The following PPM1B variants were observed in gnomAD, a reference collection of about 807,000 sequenced individuals.
PPM1B encodes the protein protein phosphatase 1B.
In PPM1B, 22 loss-of-function variants were observed where a neutral mutation model predicts 43.0. The observed-to-expected ratio is 0.51, with a 90% CI of 0.37 to 0.73. PPM1B has a LOEUF of 0.73. Among genes scored for constraint, PPM1B ranks in the 30% least tolerant of loss-of-function variants. The probability of loss-of-function intolerance (pLI) is 0.00; values close to 1 mark genes in which losing one functional copy is unlikely to be tolerated. For synonymous variants in PPM1B, 217 were observed against 197.9 expected, an observed-to-expected ratio of 1.10 and a Z score of -0.81; for missense variants, 632 against 584.2, an observed-to-expected ratio of 1.08 and a Z score of -0.84.
chr2:44,176,847 TCTCGG>T (rs1159116477), intron 1 of PPM1B, among the ~76,000 whole-genome samples: 1 of 152,230 alleles, frequency 6.6e-6, no homozygotes, highest in East Asian at 1.9e-4. Flanking sequence ...AGTGGTGCAA[TCTCGG>T]CTCATTGCAG....
chr2:44,231,590 AC>A (rs1361135544), downstream of PPM1B: 2 of 444,898 alleles, frequency 4.5e-6, no homozygotes, highest in African/African-American at 4.3e-5. Flanking sequence ...CTTTTGGCTT[AC>A]CTTTTTTCAT....
chr2:44,218,591 TA>T, intron 5 of PPM1B, 54 bp downstream of exon 5: 1 of 1,168,240 alleles, frequency 8.6e-7, no homozygotes, highest in South Asian at 1.4e-5. Context: ...ATATAAATAC[TA>T]AATATGAATA....
chr2:44,186,246 C>T (rs1408811621), intron 1 of PPM1B, among the ~76,000 whole-genome samples: 1 of 152,198 alleles, frequency 6.6e-6, no homozygotes, highest in Non-Finnish European at 1.5e-5. Flanking sequence ...TGTCTAGGAA[C>T]AGGCTGGAAG....
chr2:44,205,428 A>G (rs1669145468), intron 2 of PPM1B, among the ~76,000 whole-genome samples: 1 of 148,444 alleles, frequency 6.7e-6, no homozygotes, highest in Non-Finnish European at 1.5e-5. Context: ...TTTTTCCCCA[A>G]GGGAAACATT....
intron 1 of PPM1B, among the ~76,000 whole-genome samples, chr2:44,170,343 CAAAAT>C (rs1430544012): frequency 2.0e-5 from 3 of 152,160 alleles, no homozygotes; most frequent in Non-Finnish European, 4.4e-5. Flanking sequence ...TTTAATGTAT[CAAAAT>C]AAAGTTGGCA....
rs1211907361 is a variant in PPM1B, at chr2:44,209,212, A to G, written c.849A>G (p.Gly283=). The change falls in exon 3 of 6, where the codon GGA becomes GGG. Residue 283 remains glycine (G), a splice_region_variant and synonymous_variant. Transcript: ENST00000282412. ...TCTTTTTTTTCTTTAATACACAGGG[A>G]AGTCGAGATAACATGAGTATTGTAC... ...NWVVDTCLHK[G]SRDNMSIVLV... The G allele has an allele frequency of 1.3e-5, 20 of 1,587,630 alleles. No individual in the cohort carries two copies. In the East Asian group the frequency reaches 4.5e-4, roughly 36 times the overall value.
At chr2:44,232,193 G>A, downstream of PPM1B, 1 of 1,400,022 alleles carries the variant, frequency 7.1e-7, no homozygotes. Flanking sequence ...CTCTGTAAAA[G>A]TACCCTTTTC....
intron 1 of PPM1B, among the ~76,000 whole-genome samples, chr2:44,169,633 C>T (rs2103975519): frequency 6.6e-6 from 1 of 152,360 alleles, no homozygotes; most frequent in Non-Finnish European, 1.5e-5. Flanking sequence ...CAAGCCTTGG[C>T]GCTTCTCTTC....
chr2:44,191,416 A>G (rs1369024060), intron 1 of PPM1B, among the ~76,000 whole-genome samples: 1 of 152,088 alleles, frequency 6.6e-6, no homozygotes, highest in Non-Finnish European at 1.5e-5. Context: ...GGGTTTCACC[A>G]TGTTGGCCAG....
chr2:44,178,476 T>TATATA (rs1558388239), intron 1 of PPM1B, among the ~76,000 whole-genome samples: 1 of 24,450 alleles, frequency 4.1e-5, no homozygotes, highest in African/African-American at 7.0e-5. Context: ...ATATATATAT[T>TATATA]TTTTTTTTTA....
At chr2:44,213,104 CT>C (rs57890131) in intron 3 of PPM1B, among the ~76,000 whole-genome samples, 24,227 of 131,220 alleles carry the variant, frequency 0.18, 1,046 homozygotes, top group African/African-American at 0.24. Flanking sequence ...TCTTAAGGCC[CT>C]TTTTTTTTTT....
chr2:44,221,804 A>G (rs1669986930), intron 5 of PPM1B, among the ~76,000 whole-genome samples: 1 of 152,100 alleles, frequency 6.6e-6, no homozygotes, highest in African/African-American at 2.4e-5. Context: ...CAGAAAGTAG[A>G]GTTGAGTATA....
intron 1 of PPM1B, among the ~76,000 whole-genome samples, chr2:44,170,209 CA>C (rs1667263919): frequency 6.6e-6 from 1 of 152,134 alleles, no homozygotes; most frequent in African/African-American, 2.4e-5. Context: ...GATAGCAGCC[CA>C]AATTCATCAA....
chr2:44,202,461 T>A (rs1320090447), intron 2 of PPM1B, among the ~76,000 whole-genome samples: 1 of 152,192 alleles, frequency 6.6e-6, no homozygotes, highest in Non-Finnish European at 1.5e-5. Flanking sequence ...ACTAGATGCC[T>A]AGCCTGTATA....
In PPM1B at chr2:44,230,474, T is replaced by A. The variant is rs1021337590; in HGVS notation, c.1196T>A (p.Met399Lys). Residue 399 changes from methionine (M) to lysine (K), a missense_variant, in exon 6 of 6, where the codon ATG becomes AAG. Physicochemically the swap from Met to Lys is moderately conservative, Grantham distance 95. This residue lies in a region of PPM1B where 392 missense variants were observed against 302.7 expected (regional missense o/e 1.29). Coordinates refer to ENST00000282412, the MANE Select transcript of PPM1B (RefSeq NM_002706.6). ...QGKLVEALRQ[M>K]RINHRGNYRQ... ...AAATTGGTGGAAGCTCTCAGGCAAA[T>A]GAGAATTAATCATAGGGGAAACTAC... The A allele has an allele frequency of 6.2e-7, 1 of 1,613,796 alleles. No individual in the cohort carries two copies. Among genetic ancestry groups the A allele is most frequent in the Non-Finnish European group, 8.5e-7 (1 of 1,179,822 alleles).
rs531033466 is a variant in PPM1B, at chr2:44,214,371, A to C, written c.965-3596A>C. On this transcript the variant is annotated intron_variant, in intron 3 of 5. Coordinates refer to ENST00000282412, the MANE Select transcript of PPM1B (RefSeq NM_002706.6). ...GGCGTGAGCCACTGCGCCCGACCCC[A>C]TAGAGTTTTTTTTTTTCTTAAATAA... Among the ~76,000 whole-genome samples, 45 of 151,086 alleles carry C rather than the reference A, an allele frequency of 3.0e-4. No individual in the cohort carries two copies. The Middle Eastern group carries it at 0.01, about 35-fold the overall frequency.
chr2:44,197,155 C>T (rs1572709102), intron 1 of PPM1B, among the ~76,000 whole-genome samples: 1 of 152,094 alleles, frequency 6.6e-6, no homozygotes. Context: ...TGCTGTGTCA[C>T]CTGTCATACC....
intron 3 of PPM1B, among the ~76,000 whole-genome samples, chr2:44,212,309 A>C (rs193141940): frequency 1.1e-4 from 16 of 152,242 alleles, no homozygotes; most frequent in African/African-American, 3.1e-4. Flanking sequence ...CCTGTCCTCT[A>C]CTGTCAACCC....
chr2:44,201,108 TACTAG>T lies in PPM1B; in HGVS notation c.-14-73_-14-69del, dbSNP rs999133551. ...TAAAAAAAATACTTGAGGTAGGAGT[TACTAG>T]ACTATAGAGGGAATATTGTACATAC... On this transcript the variant is annotated intron_variant, in intron 1 of 5. Coordinates refer to ENST00000282412, the MANE Select transcript of PPM1B (RefSeq NM_002706.6). The surrounding 1 kb of genome is among the most constrained non-coding windows in gnomAD (Gnocchi z 5.4). The T allele has an allele frequency of 8.7e-6, 12 of 1,384,794 alleles. No individual in the cohort carries two copies. Among genetic ancestry groups the T allele is most frequent in the African/African-American group, 1.5e-5 (1 of 68,940 alleles). The allele number at this position is 1,384,794 out of a possible 1,614,324, so 85.8% of individuals were successfully genotyped here.
Sources: allele counts gnomAD v4.1 joint callset (sites outside exome capture counted in the v4.1 genomes callset), GRCh38; gene constraint gnomAD v4.1.1; regional missense constraint gnomAD v4.1.1; non-coding constraint Gnocchi (gnomAD v3.1); transcripts MANE v1.5; gene names NCBI Gene and HGNC (gene_info 2026-07-23, HGNC 2026-07-21).